DLEC1: variants seen among roughly 807,000 people sequenced by gnomAD.
DLEC1 encodes the protein deleted in lung and esophageal cancer protein 1.
A neutral mutation model predicts 198.1 loss-of-function variants in DLEC1; 146 were observed. The observed-to-expected ratio is 0.74, with a 90% CI of 0.64 to 0.85. DLEC1 has a LOEUF of 0.85. Ranked by LOEUF, DLEC1 falls within the 40% of genes least tolerant of loss-of-function variation. DLEC1 has a pLI of 0.00. For synonymous variants in DLEC1, 897 were observed against 866.8 expected (o/e 1.03, Z -0.61); for missense variants, 2,233 against 2,220.0 (o/e 1.01, Z -0.12).
chr3:38,119,409 A>T (rs1427048647), intron 33 of DLEC1, among the ~76,000 whole-genome samples: 4 of 151,710 alleles, frequency 2.6e-5, no homozygotes, highest in Non-Finnish European at 5.9e-5. Flanking sequence ...CTTGTCCTAG[A>T]CCCATCTCTG....
chr3:38,065,328 C>T (rs188363169), intron 6 of DLEC1, among the ~76,000 whole-genome samples: 3 of 147,594 alleles, frequency 2.0e-5, no homozygotes, highest in African/African-American at 5.3e-5. Context: ...GGAGACCGTG[C>T]AGAGGGAGAG....
intron 6 of DLEC1, among the ~76,000 whole-genome samples, chr3:38,083,418 G>A (rs759310624): frequency 6.6e-6 from 1 of 152,148 alleles, no homozygotes; most frequent in Admixed American, 6.5e-5. Context: ...AGCCAGGATT[G>A]GCCAGGAAAA....
intron 6 of DLEC1, among the ~76,000 whole-genome samples, chr3:38,078,646 G>T (rs1457268495): frequency 2.0e-5 from 3 of 152,170 alleles, no homozygotes; most frequent in Non-Finnish European, 4.4e-5. Flanking sequence ...GAAGTCTTGC[G>T]GCAGTACAGC....
intron 19 of DLEC1, among the ~76,000 whole-genome samples, chr3:38,101,690 T>C (rs6770901): frequency 0.4 from 60,294 of 151,950 alleles, 12,307 homozygotes; most frequent in East Asian, 0.59. Context: ...ACCCCACACT[T>C]TCACCATGAC....
chr3:38,045,494 G>A, intron 1 of DLEC1, 49 bp from the exon 2 acceptor site: 1 of 1,585,704 alleles, frequency 6.3e-7, no homozygotes, highest in Non-Finnish European at 8.6e-7. Flanking sequence ...GCTAAGTAAT[G>A]GTAAGTAATC....
intron 7 of DLEC1, among the ~76,000 whole-genome samples, chr3:38,084,770 G>T (rs1698353073): frequency 6.6e-6 from 1 of 151,758 alleles, no homozygotes. Context: ...TGTCCTCAGA[G>T]CCTTGACAGC....
chr3:38,078,438 C>T (rs1697760408), intron 6 of DLEC1, among the ~76,000 whole-genome samples: 1 of 152,164 alleles, frequency 6.6e-6, no homozygotes, highest in South Asian at 2.1e-4. Context: ...GCGGTCCTGG[C>T]TCTTGTGTAA....
At position 38,112,292 on chromosome 3, in the gene DLEC1, G is replaced by T; in HGVS notation, c.3597G>T (p.Gln1199His). 6.2e-7 allele frequency: 1 copy of T among 1,614,146 alleles called. No individual in the cohort carries two copies. Among genetic ancestry groups the T allele is most frequent in the Non-Finnish European group, 8.5e-7 (1 of 1,180,004 alleles). The change falls in exon 25 of 37, where the codon CAG becomes CAT. Residue 1199 changes from glutamine (Q) to histidine (H), a missense_variant. Transcript: ENST00000308059. The surrounding 1 kb of genome is among the most constrained non-coding windows in gnomAD (Gnocchi z 4.8). ...HFSQGMLGPY[Q>H]QLCIDITGCA... ...CCCAGGGCATGCTGGGGCCCTACCA[G>T]CAGCTGTGCATTGACATCACAGGCT...
rs747655492 is a variant in DLEC1 at position 38,109,462 on chromosome 3, C to T, written c.3160C>T (p.His1054Tyr). The change falls in exon 22 of 37, where the codon CAC becomes TAC. Residue 1054 changes from histidine to tyrosine, a missense_variant. Physicochemically the swap from His to Tyr is moderately conservative, Grantham distance 83. Coordinates refer to ENST00000308059, the MANE Select transcript of DLEC1 (RefSeq NM_007335.4). ...EELTHLALPC[H>Y]VSGMKKPLVL... ...GCTGACCCATCTGGCCCTCCCTTGT[C>T]ACGTGTCAGGCATGAAGAAGCCACT... is the stretch of plus-strand genomic sequence containing the variant. 1 of 1,614,222 alleles carries T rather than the reference C, an allele frequency of 6.2e-7. No individual in the cohort carries two copies. Among genetic ancestry groups the T allele is most frequent in the South Asian group, 1.1e-5 (1 of 91,090 alleles).
At chr3:38,107,382 T>C (rs1419668487) in intron 19 of DLEC1, among the ~76,000 whole-genome samples, 3 of 152,222 alleles carry the variant, frequency 2.0e-5, no homozygotes, top group Non-Finnish European at 2.9e-5. Context: ...CACATGTTTG[T>C]TGTTAGTATA....
At chr3:38,109,833 T>C (rs2125722432) in intron 22 of DLEC1, 2 of 697,074 alleles carry the variant, frequency 2.9e-6, no homozygotes, top group Non-Finnish European at 4.7e-6. Context: ...GTAGGTACCC[T>C]GGGCTTGCCC....
intron 24 of DLEC1, 142 bp downstream of exon 24, chr3:38,111,889 T>C (rs1699902174): frequency 1.1e-6 from 1 of 935,192 alleles, no homozygotes; most frequent in Non-Finnish European, 1.6e-6. Flanking sequence ...CACCTGACAA[T>C]GCCTCTTCCT....
chr3:38,071,072 A>G (rs1697290837), intron 6 of DLEC1, among the ~76,000 whole-genome samples: 1 of 152,158 alleles, frequency 6.6e-6, no homozygotes, highest in Admixed American at 6.5e-5. Flanking sequence ...GGATTGGGGC[A>G]GCGTGGGAAC....
At chr3:38,065,255 G>T (rs13072166) in intron 6 of DLEC1, among the ~76,000 whole-genome samples, 4 of 152,224 alleles carry the variant, frequency 2.6e-5, no homozygotes, top group African/African-American at 4.8e-5. Flanking sequence ...GGAGAATCAG[G>T]CAGGGAGGTT....
chr3:38,082,878 G>A (rs1455694239), intron 6 of DLEC1, among the ~76,000 whole-genome samples: 1 of 152,194 alleles, frequency 6.6e-6, no homozygotes, highest in Non-Finnish European at 1.5e-5. Context: ...AATGATCAGA[G>A]AGGTGTCCCT....
At chr3:38,065,476 ACTC>A (rs1364252455) in intron 6 of DLEC1, among the ~76,000 whole-genome samples, 1 of 151,724 alleles carries the variant, frequency 6.6e-6, no homozygotes, top group Non-Finnish European at 1.5e-5. Flanking sequence ...GACTATAACT[ACTC>A]CTCATGTGCC....
In DLEC1 at chr3:38,117,982, A is replaced by G. The variant is rs201702862; in HGVS notation, c.4662A>G (p.Ser1554=). ...AGGAGTGTGAGGAGGAGACAGCCTCAGCGGACAAGCAGCTGGTGCTCCAAG... is the reference window on the plus strand; with the variant it reads ...AGGAGTGTGAGGAGGAGACAGCCTCGGCGGACAAGCAGCTGGTGCTCCAAG... The part of the protein sequence containing the change: ...QKQECEEETA[S]ADKQLVLQAQ... Residue 1554 remains serine, a synonymous_variant, in exon 33 of 37, where the codon TCA becomes TCG. Coordinates refer to ENST00000308059, the MANE Select transcript of DLEC1 (RefSeq NM_007335.4). The G allele has an allele frequency of 1.2e-6, 2 of 1,613,106 alleles. No individual in the cohort carries two copies. Among genetic ancestry groups the G allele is most frequent in the East Asian group, 2.2e-5 (1 of 44,844 alleles).
At chr3:38,053,072 G>A (rs1001337405) in intron 2 of DLEC1, among the ~76,000 whole-genome samples, 7 of 152,236 alleles carry the variant, frequency 4.6e-5, no homozygotes, top group African/African-American at 7.2e-5. Context: ...GATTGTAGAC[G>A]GAGTCTCGTT....
At chr3:38,080,868 G>A (rs1240689739) in intron 6 of DLEC1, among the ~76,000 whole-genome samples, 2 of 140,392 alleles carry the variant, frequency 1.4e-5, no homozygotes, top group Non-Finnish European at 3.1e-5. Context: ...CACAGAGGGG[G>A]ATTTGGCAGG....
Sources: gnomAD v4.1 joint callset for allele counts (sites outside exome capture counted in the v4.1 genomes callset) on GRCh38, gnomAD v4.1.1 for gene constraint, Gnocchi (gnomAD v3.1) non-coding constraint, MANE v1.5 for transcripts, NCBI Gene and HGNC (gene_info 2026-07-23, HGNC 2026-07-21) for gene names.